MCTP1: variants seen among roughly 807,000 people sequenced by gnomAD.
MCTP1 encodes the protein multiple C2 and transmembrane domain-containing protein 1.
MCTP1 carries 69 observed loss-of-function variants against 120.6 expected under a neutral mutation model. The ratio of observed to expected loss-of-function variants is 0.57; its 90% CI spans 0.47 to 0.70. The LOEUF (loss-of-function observed/expected upper bound fraction) is 0.70. Ranked by LOEUF, MCTP1 falls within the 30% of genes least tolerant of loss-of-function variation. MCTP1 has a pLI of 0.00. For missense variants in MCTP1, 1,203 were observed against 1,248.8 expected (o/e 0.96, Z 0.55); for synonymous variants, 529 against 493.1 (o/e 1.07, Z -0.96).
At chr5:94,799,645 C>T (rs1561657182) in intron 17 of MCTP1, among the ~76,000 whole-genome samples, 2 of 152,162 alleles carry the variant, frequency 1.3e-5, no homozygotes, top group African/African-American at 2.4e-5. Flanking sequence ...AAAAAAAGCA[C>T]TGCTACGGAC....
In MCTP1 at chr5:94,710,915, C is replaced by T; in HGVS notation, c.2733G>A (p.Trp911Ter). Residue 911 changes from tryptophan to a stop codon, truncating the protein, a stop_gained, in exon 21 of 23, where the codon TGG becomes TGA. Coordinates refer to ENST00000515393, the MANE Select transcript of MCTP1 (RefSeq NM_024717.7). LOFTEE classifies it high-confidence loss of function. ...FGERIKNTFN[W>*]TVPFLSWLAI... ...CCAGCCAGCTTAAGAATGGGACAGTCCAGTTGAAAGTACTGAATGGAAAAT... is the reference window on the plus strand; with the variant it reads ...CCAGCCAGCTTAAGAATGGGACAGTTCAGTTGAAAGTACTGAATGGAAAAT... 3.7e-6 allele frequency: 6 copies of T among 1,611,374 alleles called. No homozygotes were observed. Among genetic ancestry groups the T allele is most frequent in the Non-Finnish European group, 5.1e-6 (6 of 1,178,140 alleles).
chr5:94,761,267 C>T (rs1223334820), intron 19 of MCTP1, among the ~76,000 whole-genome samples: 2 of 152,204 alleles, frequency 1.3e-5, no homozygotes, highest in African/African-American at 2.4e-5. Flanking sequence ...ATGTCCATTA[C>T]AATTTAGATT....
intron 1 of MCTP1, among the ~76,000 whole-genome samples, chr5:95,208,212 C>A (rs1268762945): frequency 6.6e-6 from 1 of 152,136 alleles, no homozygotes; most frequent in Non-Finnish European, 1.5e-5. Context: ...GCCTCAGCCT[C>A]CCTAGTAGCT....
chr5:94,978,541 C>T (rs991360472), intron 2 of MCTP1, among the ~76,000 whole-genome samples: 1 of 151,994 alleles, frequency 6.6e-6, no homozygotes, highest in African/African-American at 2.4e-5. Flanking sequence ...GAAGGAAATC[C>T]TGCAATATGT....
intron 2 of MCTP1, among the ~76,000 whole-genome samples, chr5:95,007,439 C>A (rs984652799): frequency 6.6e-6 from 1 of 152,162 alleles, no homozygotes; most frequent in Non-Finnish European, 1.5e-5. Context: ...AATATATATG[C>A]AAATGCCAAC....
intron 1 of MCTP1, among the ~76,000 whole-genome samples, chr5:95,083,647 T>C (rs986020151): frequency 5.9e-5 from 9 of 152,180 alleles, no homozygotes; most frequent in Non-Finnish European, 2.9e-5. Flanking sequence ...CTAAAACTTG[T>C]CTAAAAGAGG....
intron 17 of MCTP1, among the ~76,000 whole-genome samples, chr5:94,847,676 G>GTATATA (rs1457954338): frequency 9.8e-5 from 13 of 132,516 alleles, no homozygotes; most frequent in African/African-American, 3.4e-4. Context: ...GTGTGTGTGT[G>GTATATA]TGTGTGTATA....
At chr5:94,712,326 GAC>G (rs1757333604) in intron 20 of MCTP1, among the ~76,000 whole-genome samples, 1 of 151,992 alleles carries the variant, frequency 6.6e-6, no homozygotes, top group African/African-American at 2.4e-5. Context: ...AGGCCCCTAA[GAC>G]ACTTCAGCAA....
intron 18 of MCTP1, among the ~76,000 whole-genome samples, chr5:94,795,279 T>G (rs1016273373): frequency 4.6e-5 from 7 of 152,102 alleles, no homozygotes; most frequent in Non-Finnish European, 1.0e-4. Context: ...TGGCGGCAGG[T>G]CACTCGACTT....
Position 94,873,142 on chromosome 5 carries a change from G to C in MCTP1, c.2033C>G (p.Thr678Arg). Residue 678 changes from threonine (T) to arginine (R), a missense_variant, in exon 13 of 23, where the codon ACG (threonine) becomes AGG (arginine). Thr to Arg is a moderately conservative substitution (Grantham distance 71). Transcript: ENST00000515393. ...NLNPEWNKVFTFNIKDIHSVL... is the reference protein window; with the variant it reads ...NLNPEWNKVFRFNIKDIHSVL... ...GCCCAAAGAAATGCCTACTTACAACGTGAAGACTTTATTCCACTCAGGATT... is the reference window on the plus strand; with the variant it reads ...GCCCAAAGAAATGCCTACTTACAACCTGAAGACTTTATTCCACTCAGGATT... The C allele has an allele frequency of 1.3e-6, 2 of 1,563,836 alleles. No individual in the cohort carries two copies. Among genetic ancestry groups the C allele is most frequent in the Non-Finnish European group, 1.8e-6 (2 of 1,135,740 alleles).
chr5:94,870,052 T>C (rs1466295022), intron 16 of MCTP1, among the ~76,000 whole-genome samples: 1 of 152,096 alleles, frequency 6.6e-6, no homozygotes, highest in Non-Finnish European at 1.5e-5. Context: ...TATTTGTACC[T>C]CAGCTTTTGG....
At chr5:95,120,176 C>CA (rs56354602) in intron 1 of MCTP1, among the ~76,000 whole-genome samples, 17,593 of 118,140 alleles carry the variant, frequency 0.15, 2,300 homozygotes, top group African/African-American at 0.21. Context: ...GACTCCATCT[C>CA]AAAAAAAAAA....
chr5:94,806,077 A>G (rs1782203727), intron 17 of MCTP1, among the ~76,000 whole-genome samples: 4 of 151,702 alleles, frequency 2.6e-5, no homozygotes, highest in Admixed American at 2.0e-4. Context: ...GTCAAAAACT[A>G]ACAGCGGAAA....
intron 1 of MCTP1, among the ~76,000 whole-genome samples, chr5:95,129,774 C>A (rs1758901353): frequency 1.3e-5 from 2 of 152,102 alleles, no homozygotes; most frequent in Admixed American, 6.5e-5. Flanking sequence ...ATTCTCCCTG[C>A]CCCAGTCTCC....
At position 94,909,449 on chromosome 5, in the gene MCTP1, T is replaced by C. The variant is rs1807868225; in HGVS notation, c.1522-68A>G. 7 of 1,493,832 alleles carry C rather than the reference T, an allele frequency of 4.7e-6. No individual in the cohort carries two copies. The South Asian group carries it at 7.5e-5, about 16-fold the overall frequency. 92.5% of individuals were successfully genotyped at this position (1,493,832 alleles called of 1,614,324 possible). A position where few individuals can be genotyped will look rare whatever the true frequency, so the allele number is the denominator to read the frequency against. The stretch of plus-strand genomic sequence containing the variant: ...TAAAAAAAACTTCAACCTGAGACAC[T>C]AAATCAAACTTTTGGTACTATAGTA... On this transcript the variant is annotated intron_variant, in intron 9 of 22. Coordinates refer to ENST00000515393, the MANE Select transcript of MCTP1 (RefSeq NM_024717.7).
chr5:94,794,399 G>T (rs1452515880), intron 18 of MCTP1, among the ~76,000 whole-genome samples: 1 of 152,226 alleles, frequency 6.6e-6, no homozygotes, highest in Non-Finnish European at 1.5e-5. Context: ...AGGGGCACCT[G>T]GGATAGAACA....
chr5:94,908,580 T>C (rs1413825177), intron 10 of MCTP1, among the ~76,000 whole-genome samples: 1 of 152,030 alleles, frequency 6.6e-6, no homozygotes, highest in Non-Finnish European at 1.5e-5. Context: ...ATTTCAATAT[T>C]GGCAGGTTTC....
Position 94,873,208 on chromosome 5 carries a change from T to C in MCTP1, c.1967A>G (p.Asn656Ser), listed in dbSNP as rs746384830. The C allele has an allele frequency of 6.2e-7, 1 of 1,611,018 alleles. No homozygotes were observed. The highest frequency in any genetic ancestry group is 8.5e-7 in the Non-Finnish European group (1 of 1,177,702). ...KSDPFCVVEL[N>S]NDRLLTHTVY... is the part of the protein sequence containing the mutation. The stretch of plus-strand genomic sequence containing the variant: ...AGTATGTGTTAGCAGTCTATCGTTG[T>C]TCAGTTCTACCACACAAAATGGGTC... Residue 656 changes from asparagine to serine, a missense_variant, in exon 13 of 23, where the codon AAC (asparagine) becomes AGC (serine). This residue lies in a region of MCTP1 where 740 missense variants were observed against 871.1 expected (regional missense o/e 0.85). Transcript: ENST00000515393.
intron 10 of MCTP1, among the ~76,000 whole-genome samples, chr5:94,897,674 C>A (rs1804426111): frequency 6.6e-6 from 1 of 152,090 alleles, no homozygotes; most frequent in South Asian, 2.1e-4. Flanking sequence ...CGACTTTTTC[C>A]CCCAAACTTT....
Sources: allele counts gnomAD v4.1 joint callset (sites outside exome capture counted in the v4.1 genomes callset), GRCh38; gene constraint gnomAD v4.1.1; regional missense constraint gnomAD v4.1.1; transcripts MANE v1.5; gene names NCBI Gene and HGNC (gene_info 2026-07-23, HGNC 2026-07-21).